Variants in SLC5A10 observed in about 807,000 individuals in gnomAD.
SLC5A10 encodes sodium/mannose cotransporter SLC5A10.
In SLC5A10, 55 loss-of-function variants were observed where a neutral mutation model predicts 68.9. The observed-to-expected ratio is 0.80, with a 90% confidence interval of 0.64 to 1.00. The LOEUF (loss-of-function observed/expected upper bound fraction) is 1.00, where lower values mean the gene tolerates loss of function less well. Among genes scored for constraint, SLC5A10 ranks in the 50% least tolerant of loss-of-function variants. The probability of loss-of-function intolerance (pLI) is 0.00; values close to 1 mark genes in which losing one functional copy is unlikely to be tolerated. For synonymous variants in SLC5A10, 344 were observed against 344.8 expected, an observed-to-expected ratio of 1.00 and a Z score of 0.02; for missense variants, 732 against 819.3, an observed-to-expected ratio of 0.89 and a Z score of 1.30.
intron 9 of SLC5A10, among the ~76,000 whole-genome samples, chr17:18,997,023 C>T (rs188131687): frequency 2.0e-5 from 3 of 152,342 alleles, no homozygotes; most frequent in East Asian, 1.9e-4. Flanking sequence ...TCTGAGGTCC[C>T]GTTCCCCTTG....
At position 18,984,109 on chromosome 17, in the gene SLC5A10, G is replaced by C. The variant is rs187542399; in HGVS notation, c.982+7120G>C. Among the ~76,000 whole-genome samples, 5 of 152,238 alleles carry C rather than the reference G, an allele frequency of 3.3e-5. No individual in the cohort carries two copies. The East Asian group carries it at 9.7e-4, about 29-fold the overall frequency. Reference sequence around the variant, plus strand: ...TGTAATCCCCGCACTTTGGGAGGCCGAGGCGGGCGGATCACGAGGTCAGCA... The same window carrying C: ...TGTAATCCCCGCACTTTGGGAGGCCCAGGCGGGCGGATCACGAGGTCAGCA... On this transcript the variant is annotated intron_variant, in intron 9 of 14. Coordinates refer to ENST00000395645, the MANE Select transcript of SLC5A10 (RefSeq NM_001042450.4).
chr17:18,978,428 G>C (rs375654515), intron 9 of SLC5A10: 1 of 1,596,976 alleles, frequency 6.3e-7, no homozygotes, highest in Admixed American at 1.8e-5. Context: ...CTCCACCCAC[G>C]TGGGCAGGTA....
Position 18,978,427 on chromosome 17 carries a change from C to T in SLC5A10, c.982+1438C>T, listed in dbSNP as rs373890767. Reference sequence around the variant, plus strand: ...CAGGCTCCGGGTCTGGCTCCACCCACGTGGGCAGGTACTCAAACATGTTGG... The same window carrying T: ...CAGGCTCCGGGTCTGGCTCCACCCATGTGGGCAGGTACTCAAACATGTTGG... On this transcript the variant is annotated intron_variant, in intron 9 of 14. Transcript: ENST00000395645. 5.1e-5 allele frequency: 81 copies of T among 1,596,292 alleles called. No homozygotes were observed. The African/African-American group carries it at 7.8e-4, about 15-fold the overall frequency.
intron 9 of SLC5A10, among the ~76,000 whole-genome samples, chr17:18,999,059 CACAAGGTCA>C (rs2043649787): frequency 6.6e-6 from 1 of 152,196 alleles, no homozygotes; most frequent in African/African-American, 2.4e-5. Flanking sequence ...GCGGGTGGAT[CACAAGGTCA>C]GGAGTTCGAG....
rs183096313 is a variant in SLC5A10 at position 19,010,925 on chromosome 17, C to T, written c.983-2485C>T. 5.9e-5 allele frequency among the ~76,000 whole-genome samples: 9 copies of T among 152,276 alleles called. No individual in the cohort carries two copies. In the South Asian group the frequency reaches 1.7e-3, roughly 28 times the overall value. ...GTAGGGCAGCTGGATCAAACAGTGC[C>T]TGAACTCCTCATGGCTCTTTCTGGG... On this transcript the variant is annotated intron_variant, in intron 9 of 14. Transcript: ENST00000395645.
At chr17:18,978,696 C>G in intron 9 of SLC5A10, 2 of 1,612,988 alleles carry the variant, frequency 1.2e-6, no homozygotes, top group Non-Finnish European at 1.7e-6. Flanking sequence ...ACAATAGGCT[C>G]CGGCTCCGGT....
intron 5 of SLC5A10, among the ~76,000 whole-genome samples, chr17:18,965,600 G>A (rs571734942): frequency 6.6e-6 from 1 of 152,272 alleles, no homozygotes; most frequent in Admixed American, 6.5e-5. Flanking sequence ...CATATACGTG[G>A]GGAGCTTGGG....
At chr17:18,999,350 C>T (rs978628587) in intron 9 of SLC5A10, among the ~76,000 whole-genome samples, 2 of 152,078 alleles carry the variant, frequency 1.3e-5, no homozygotes, top group African/African-American at 2.4e-5. Context: ...GGCTCTGGTG[C>T]TCCCATGCAG....
intron 9 of SLC5A10, among the ~76,000 whole-genome samples, chr17:18,994,025 C>G (rs12451868): frequency 0.22 from 32,857 of 152,054 alleles, 4,800 homozygotes; most frequent in African/African-American, 0.41. Context: ...AACAGGCCAG[C>G]AGCGTCTCAC....
rs549312879 is a variant in SLC5A10, at chr17:18,987,475, G to C, written c.982+10486G>C. On this transcript the variant is annotated intron_variant, in intron 9 of 14. Coordinates refer to ENST00000395645, the MANE Select transcript of SLC5A10 (RefSeq NM_001042450.4). ...GCTCTGCACGCAGCAGGTGCCAAGC[G>C]ATGGCTGGCAGAAGGAGGGCTCCAG... 9.2e-5 allele frequency among the ~76,000 whole-genome samples: 14 copies of C among 152,346 alleles called. No homozygotes were observed. In the South Asian group the frequency reaches 2.7e-3, roughly 29 times the overall value.
chr17:18,967,386 ATGTACTC>A (rs2042733089), intron 5 of SLC5A10, among the ~76,000 whole-genome samples: 1 of 152,084 alleles, frequency 6.6e-6, no homozygotes, highest in Admixed American at 6.5e-5. Context: ...CGAATGAACA[ATGTACTC>A]GAGGAGCAGA....
intron 9 of SLC5A10, among the ~76,000 whole-genome samples, chr17:18,998,326 C>A (rs2043619748): frequency 6.6e-6 from 1 of 152,250 alleles, no homozygotes; most frequent in South Asian, 2.1e-4. Flanking sequence ...GAAACTGAGG[C>A]CGAGGGTCCT....
rs2044255769 is a variant in SLC5A10 at position 19,020,992 on chromosome 17, GT to G, written c.*562del. ...CACCTCACTTTTCCCTCTCCCAAAG[GT>G]GCCCAGGCTCTGGGCAGGCCCTGCT... is the stretch of plus-strand genomic sequence containing the variant. On this transcript the variant is annotated 3_prime_UTR_variant, in exon 15 of 15. Transcript: ENST00000395645. 6.4e-6 allele frequency: 1 copy of G among 155,848 alleles called. No individual in the cohort carries two copies. Among genetic ancestry groups the G allele is most frequent in the African/African-American group, 2.4e-5 (1 of 41,414 alleles). 9.7% of individuals were successfully genotyped at this position (155,848 alleles called of 1,614,324 possible).
Position 19,004,734 on chromosome 17 carries a change from G to C in SLC5A10, c.983-8676G>C, listed in dbSNP as rs1000995333. The C allele has an allele frequency of 6.6e-6, 1 of 150,430 alleles. No homozygotes were observed. Among genetic ancestry groups the C allele is most frequent in the Non-Finnish European group, 1.5e-5 (1 of 67,292 alleles). The allele number at this position is 150,430 out of a possible 1,614,324, so 9.3% of individuals were successfully genotyped here. ...CGAGCGGGCGCTGGCGGAGCGGGGC[G>C]CACACGCGGCGGCTGCGGCGGCGGC... On this transcript the variant is annotated intron_variant, in intron 9 of 14. Coordinates refer to ENST00000395645, the MANE Select transcript of SLC5A10 (RefSeq NM_001042450.4). The surrounding 1 kb of genome is among the most constrained non-coding windows in gnomAD (Gnocchi z 5.4).
chr17:19,003,645 G>A lies in SLC5A10; in HGVS notation c.983-9765G>A, dbSNP rs763540091. 1.2e-6 allele frequency: 2 copies of A among 1,612,418 alleles called. No individual in the cohort carries two copies. The highest frequency in any genetic ancestry group is 1.7e-6 in the Non-Finnish European group (2 of 1,179,614). On this transcript the variant is annotated intron_variant, in intron 9 of 14. Transcript: ENST00000395645. This position sits in a 1 kb window ranked among gnomAD's most constrained non-coding sequence, Gnocchi z 4.5. ...TAGGCGATGGTGTCGGGCCAGCCCA[G>A]GTCCAGCTGCGGGATGGAGCGGTCC... is the stretch of plus-strand genomic sequence containing the variant.
chr17:18,956,176 A>G (rs74792107), intron 1 of SLC5A10, among the ~76,000 whole-genome samples: 1 of 151,648 alleles, frequency 6.6e-6, no homozygotes, highest in East Asian at 1.9e-4. Flanking sequence ...CCTGGGCAAC[A>G]AGAGCGAAAC....
chr17:18,998,998 T>C (rs1406894013), intron 9 of SLC5A10, among the ~76,000 whole-genome samples: 1 of 152,216 alleles, frequency 6.6e-6, no homozygotes, highest in African/African-American at 2.4e-5. Context: ...ACGCTTTTAC[T>C]GCCAGGCACG....
chr17:18,965,546 G>C (rs1282061459), intron 5 of SLC5A10, among the ~76,000 whole-genome samples: 2 of 152,216 alleles, frequency 1.3e-5, no homozygotes, highest in Admixed American at 1.3e-4. Flanking sequence ...ACACGCCCTG[G>C]AGTGAATGGT....
At position 19,013,500 on chromosome 17, in the gene SLC5A10, T is replaced by C. The variant is rs531408176; in HGVS notation, c.1073T>C (p.Met358Thr). The C allele has an allele frequency of 7.9e-6, 12 of 1,513,520 alleles. No individual in the cohort carries two copies. In the African/African-American group the frequency reaches 2.2e-4, roughly 28 times the overall value. 93.8% of individuals were successfully genotyped at this position (1,513,520 alleles called of 1,614,324 possible). Residue 358 changes from methionine to threonine, a missense_variant, in exon 10 of 15, where the codon ATG becomes ACG. Physicochemically the swap from Met to Thr is moderately conservative, Grantham distance 81 (BLOSUM62 -1). Transcript: ENST00000395645. ...AACATCGCCTACCCCAAGCTGGTCATGGAACTGATGCCCATCGGTGAGGCT... is the reference window on the plus strand; with the variant it reads ...AACATCGCCTACCCCAAGCTGGTCACGGAACTGATGCCCATCGGTGAGGCT... ...CSNIAYPKLVMELMPIGLRGL... is the reference protein window; with the variant it reads ...CSNIAYPKLVTELMPIGLRGL...
Sources: gnomAD v4.1 joint callset for allele counts (sites outside exome capture counted in the v4.1 genomes callset) on GRCh38, gnomAD v4.1.1 for gene constraint, Gnocchi (gnomAD v3.1) non-coding constraint, MANE v1.5 for transcripts, NCBI Gene and HGNC (gene_info 2026-07-23, HGNC 2026-07-21) for gene names.